The following LIX1 variants were observed in gnomAD, a reference collection of about 807,000 sequenced individuals.
LIX1 encodes the protein limb and CNS expressed 1, also known as protein limb expression 1 homolog.
A neutral mutation model predicts 33.4 loss-of-function variants in LIX1; 24 were observed. The ratio of observed to expected loss-of-function variants is 0.72; its 90% CI spans 0.52 to 1.01. The LOEUF is 1.01. LIX1 is among the 50% of genes least tolerant of loss of function. The probability of loss-of-function intolerance (pLI) is 0.00; values close to 1 mark genes in which losing one functional copy is unlikely to be tolerated. For synonymous variants in LIX1, 124 were observed against 124.0 expected (o/e 1.00, Z 0.00); for missense variants, 311 against 339.2 (o/e 0.92, Z 0.65).
At position 97,093,759 on chromosome 5, in the gene LIX1, G is replaced by T. The variant is rs985875608; in HGVS notation, c.*989C>A. On this transcript the variant is annotated 3_prime_UTR_variant, in exon 6 of 6. Transcript: ENST00000274382. The stretch of plus-strand genomic sequence containing the variant: ...ATTCCAGTGACTTAAACTTAATAAT[G>T]ATACTACATTTGAGCTACTGGTTGC... 1 of 151,836 alleles carries T rather than the reference G, an allele frequency of 6.6e-6. No homozygotes were observed. The highest frequency in any genetic ancestry group is 2.4e-5 in the African/African-American group (1 of 41,234). 9.4% of individuals were successfully genotyped at this position (151,836 alleles called of 1,614,324 possible).
chr5:97,096,957 T>C (rs1746412752), intron 4 of LIX1, 70 bp from the exon 5 acceptor site: 1 of 1,105,172 alleles, frequency 9.0e-7, no homozygotes, highest in South Asian at 1.3e-5. Context: ...GAGCAGGGCA[T>C]AACTCTAATT....
intron 1 of LIX1, chr5:97,137,336 T>G (rs2112800425): frequency 5.1e-6 from 1 of 197,576 alleles, no homozygotes; most frequent in African/African-American, 2.3e-5. Context: ...CTATGAGAAA[T>G]AAATGTACTA....
At chr5:97,097,010 ACTTTGGGACTTTCCCAAGCCCAG>A in intron 4 of LIX1, 123 bp from the exon 5 acceptor site, 1 of 751,358 alleles carries the variant, frequency 1.3e-6, no homozygotes, top group South Asian at 1.7e-5. Context: ...TTGTCACAAC[ACTTTGGGACTTTCCCAAGCCCAG>A]GGTCCCAGGG....
rs974716761 is a variant in LIX1 at position 97,125,828 on chromosome 5, A to G, written c.83-1199T>C. 2.6e-5 allele frequency among the ~76,000 whole-genome samples: 4 copies of G among 152,328 alleles called. No individual in the cohort carries two copies. In the East Asian group the frequency reaches 7.7e-4, roughly 29 times the overall value. On this transcript the variant is annotated intron_variant, in intron 1 of 5. Coordinates refer to ENST00000274382, the MANE Select transcript of LIX1 (RefSeq NM_153234.5). ...GGCCATAGCCAAGCCATTTAGGGAC[A>G]ATGAATGTGTTGAAAATGTTGAAAG...
At chr5:97,114,169 G>A (rs1747559139) in intron 2 of LIX1, among the ~76,000 whole-genome samples, 1 of 152,154 alleles carries the variant, frequency 6.6e-6, no homozygotes, top group South Asian at 2.1e-4. Flanking sequence ...ATTCCAAGAA[G>A]TATTGATAAC....
intron 1 of LIX1, among the ~76,000 whole-genome samples, chr5:97,129,691 A>T (rs1045413994): frequency 4.6e-5 from 7 of 152,204 alleles, no homozygotes; most frequent in Non-Finnish European, 8.8e-5. Flanking sequence ...AACTTAAGTT[A>T]TTTTCATGCT....
intron 1 of LIX1, among the ~76,000 whole-genome samples, chr5:97,140,813 G>A (rs1018378896): frequency 6.6e-6 from 1 of 152,192 alleles, no homozygotes; most frequent in African/African-American, 2.4e-5. Context: ...CGTCTATTAA[G>A]CCATGCAAGC....
chr5:97,103,262 A>G (rs1746816441), intron 4 of LIX1, among the ~76,000 whole-genome samples: 2 of 152,196 alleles, frequency 1.3e-5, no homozygotes, highest in African/African-American at 2.4e-5. Context: ...TGTAGGTTCA[A>G]ATAGAGCTAG....
chr5:97,109,638 TTGCGGTGATTTCTGGGAA>T (rs552848471), intron 2 of LIX1, among the ~76,000 whole-genome samples: 13 of 152,160 alleles, frequency 8.5e-5, no homozygotes, highest in East Asian at 1.9e-4. Flanking sequence ...ATAAGTTCTT[TTGCGGTGATTTCTGGGAA>T]TGCGGTGATT....
chr5:97,097,034 G>C, intron 4 of LIX1, 147 bp from the exon 5 acceptor site: 1 of 648,336 alleles, frequency 1.5e-6, no homozygotes. Flanking sequence ...CCAAGCCCAG[G>C]GTCCCAGGGC....
At chr5:97,098,441 G>GT (rs1031722840) in intron 4 of LIX1, among the ~76,000 whole-genome samples, 33 of 151,972 alleles carry the variant, frequency 2.2e-4, no homozygotes, top group Non-Finnish European at 1.2e-4. Flanking sequence ...TTCAGTTATA[G>GT]TTTTTTTTGG....
Position 97,121,169 on chromosome 5 carries a change from A to C in LIX1, c.246+3297T>G, listed in dbSNP as rs191380012. Among the ~76,000 whole-genome samples, 3 of 152,304 alleles carry C rather than the reference A, an allele frequency of 2.0e-5. No individual in the cohort carries two copies. The East Asian group carries it at 5.8e-4, about 29-fold the overall frequency. On this transcript the variant is annotated intron_variant, in intron 2 of 5. Coordinates refer to ENST00000274382, the MANE Select transcript of LIX1 (RefSeq NM_153234.5). ...TACGTATATGTTCAATCTAATTTTA[A>C]AAACAGATAGTGTACATATGCAGTA... is the stretch of plus-strand genomic sequence containing the variant.
rs757305125 is a variant in LIX1 at position 97,095,005 on chromosome 5, G to C, written c.592C>G (p.Leu198Val). 2.7e-5 allele frequency: 43 copies of C among 1,613,846 alleles called. No individual in the cohort carries two copies. Among genetic ancestry groups the C allele is most frequent in the Non-Finnish European group, 3.6e-5 (42 of 1,180,004 alleles). Reference protein sequence around the residue: ...EVISYYSQYSLDEKMRSHMAL... With the variant: ...EVISYYSQYSVDEKMRSHMAL... ...ATGTGGCTGCGCATCTTTTCATCTA[G>C]AGAATACTGAGAATAGTAGGAGATG... is the stretch of plus-strand genomic sequence containing the variant. The change falls in exon 6 of 6, where the codon CTA (leucine) becomes GTA (valine). Residue 198 changes from leucine (L) to valine (V), a missense_variant. Leu to Val is a conservative substitution (Grantham distance 32, BLOSUM62 1). Coordinates refer to ENST00000274382, the MANE Select transcript of LIX1 (RefSeq NM_153234.5).
chr5:97,139,549 C>T (rs1366889940), intron 1 of LIX1, among the ~76,000 whole-genome samples: 2 of 152,328 alleles, frequency 1.3e-5, no homozygotes, highest in African/African-American at 4.8e-5. Flanking sequence ...ATGCATGACA[C>T]ATGAAACGAA....
At chr5:97,107,086 T>G (rs1298402708) in intron 3 of LIX1, among the ~76,000 whole-genome samples, 1 of 152,222 alleles carries the variant, frequency 6.6e-6, no homozygotes, top group African/African-American at 2.4e-5. Flanking sequence ...TAAGTAAACA[T>G]TCACTTAAAC....
At chr5:97,137,767 G>A (rs566870330) in intron 1 of LIX1, among the ~76,000 whole-genome samples, 3 of 152,246 alleles carry the variant, frequency 2.0e-5, no homozygotes, top group Admixed American at 2.0e-4. Context: ...GTGGTGGAAT[G>A]CAATGCAATA....
chr5:97,099,869 G>A (rs1007494652), intron 4 of LIX1, among the ~76,000 whole-genome samples: 9 of 152,204 alleles, frequency 5.9e-5, no homozygotes, highest in South Asian at 2.1e-4. Flanking sequence ...CCACTCCTCC[G>A]TTTGACCCCC....
chr5:97,142,077 C>T (rs528999469), intron 1 of LIX1, among the ~76,000 whole-genome samples: 31 of 152,160 alleles, frequency 2.0e-4, no homozygotes, highest in African/African-American at 7.2e-4. Flanking sequence ...CAGACAAACA[C>T]GATACTTGAA....
intron 2 of LIX1, among the ~76,000 whole-genome samples, chr5:97,122,090 A>G (rs147960081): frequency 7.9e-5 from 12 of 152,244 alleles, no homozygotes; most frequent in Non-Finnish European, 1.6e-4. Flanking sequence ...TTCTATACCC[A>G]CATTCAAATC....
Sources: gnomAD v4.1 joint callset for allele counts (sites outside exome capture counted in the v4.1 genomes callset) on GRCh38, gnomAD v4.1.1 for gene constraint, MANE v1.5 for transcripts, NCBI Gene and HGNC (gene_info 2026-07-23, HGNC 2026-07-21) for gene names.